CAMK2D: variants seen among roughly 807,000 people sequenced by gnomAD.
The protein encoded by CAMK2D is calcium/calmodulin-dependent protein kinase type II subunit delta.
In CAMK2D, 37 loss-of-function variants were observed where a neutral mutation model predicts 84.0. The ratio of observed to expected loss-of-function variants is 0.44; its 90% CI spans 0.34 to 0.58. The LOEUF (loss-of-function observed/expected upper bound fraction) is 0.58, where lower values mean the gene tolerates loss of function less well. Ranked by LOEUF, CAMK2D falls within the 20% of genes least tolerant of loss-of-function variation. The probability of loss-of-function intolerance (pLI) is 0.02; values close to 1 mark genes in which losing one functional copy is unlikely to be tolerated. For synonymous variants in CAMK2D, 202 were observed against 212.5 expected (o/e 0.95, Z 0.43); for missense variants, 448 against 652.5 (o/e 0.69, Z 3.41).
chr4:113,696,941 A>C (rs1003564080), intron 2 of CAMK2D, among the ~76,000 whole-genome samples: 2 of 152,124 alleles, frequency 1.3e-5, no homozygotes, highest in African/African-American at 4.8e-5. Flanking sequence ...AAGGTAATGC[A>C]TATGAACGTT....
intron 3 of CAMK2D, among the ~76,000 whole-genome samples, chr4:113,626,560 G>A (rs1188902999): frequency 6.6e-6 from 1 of 152,194 alleles, no homozygotes; most frequent in African/African-American, 2.4e-5. Flanking sequence ...ATTTTACCAT[G>A]TGGGACAATA....
intron 2 of CAMK2D, chr4:113,754,270 T>C: frequency 4.1e-6 from 4 of 977,422 alleles, no homozygotes; most frequent in Non-Finnish European, 3.6e-6. Flanking sequence ...TGGGGAAGAC[T>C]GATGTTAAAA....
At chr4:113,629,141 A>C (rs2099079234) in intron 3 of CAMK2D, among the ~76,000 whole-genome samples, 1 of 152,136 alleles carries the variant, frequency 6.6e-6, no homozygotes, top group Non-Finnish European at 1.5e-5. Context: ...CACAAAGAAT[A>C]ATGAGGAAGA....
At chr4:113,532,491 C>CA (rs2098464587) in intron 7 of CAMK2D, among the ~76,000 whole-genome samples, 1 of 152,112 alleles carries the variant, frequency 6.6e-6, no homozygotes, top group African/African-American at 2.4e-5. Context: ...ATGGTGGTTC[C>CA]ACTGCCTAAA....
At chr4:113,548,456 T>C (rs1396550001) in intron 5 of CAMK2D, among the ~76,000 whole-genome samples, 1 of 152,190 alleles carries the variant, frequency 6.6e-6, no homozygotes, top group East Asian at 1.9e-4. Flanking sequence ...TTAGTATTCT[T>C]CCCTTTTTGC....
chr4:113,544,294 T>G (rs753559410), intron 6 of CAMK2D, among the ~76,000 whole-genome samples: 7 of 152,224 alleles, frequency 4.6e-5, no homozygotes, highest in Non-Finnish European at 8.8e-5. Flanking sequence ...TAGGCAGGAC[T>G]ATTTTAACCT....
intron 2 of CAMK2D, among the ~76,000 whole-genome samples, chr4:113,733,206 C>A (rs2099573224): frequency 6.6e-6 from 1 of 152,130 alleles, no homozygotes; most frequent in Non-Finnish European, 1.5e-5. Context: ...AATGAAAGAA[C>A]CATTTAATGC....
chr4:113,480,554 T>G (rs1428552797), intron 16 of CAMK2D, among the ~76,000 whole-genome samples: 2 of 152,024 alleles, frequency 1.3e-5, no homozygotes, highest in African/African-American at 4.8e-5. Flanking sequence ...ATAAAAGGGC[T>G]TGAGGGCCGG....
At chr4:113,537,836 TAAC>T (rs1213982506) in intron 6 of CAMK2D, among the ~76,000 whole-genome samples, 2 of 152,188 alleles carry the variant, frequency 1.3e-5, no homozygotes, top group Admixed American at 6.5e-5. Flanking sequence ...GGCAAAATAA[TAAC>T]AAGAGTTGGA....
intron 3 of CAMK2D, among the ~76,000 whole-genome samples, chr4:113,612,391 T>C (rs112432158): frequency 1.3e-5 from 2 of 152,218 alleles, no homozygotes; most frequent in African/African-American, 4.8e-5. Context: ...AATTATTCCC[T>C]ATAAATAACT....
intron 2 of CAMK2D, among the ~76,000 whole-genome samples, chr4:113,740,886 A>C (rs2099591430): frequency 6.6e-6 from 1 of 152,190 alleles, no homozygotes; most frequent in Non-Finnish European, 1.5e-5. Context: ...CCTGCAGTCA[A>C]CCACCATCCA....
At position 113,457,514 on chromosome 4, in the gene CAMK2D, A is replaced by C. The variant is rs774320839; in HGVS notation, c.1356T>G (p.His452Gln). The C allele has an allele frequency of 1.2e-6, 2 of 1,613,568 alleles. No homozygotes were observed. Among genetic ancestry groups the C allele is most frequent in the African/African-American group, 2.7e-5 (2 of 75,018 alleles). ...CGGCATCATCCCCTACCAGATGTAC[A>C]TGAGGGTTTAGAATAATAGTGTGGA... ...KPIHTIILNPHVHLVGDDAAC... is the reference protein window; with the variant it reads ...KPIHTIILNPQVHLVGDDAAC... The change falls in exon 19 of 21, where the codon CAT becomes CAG. Residue 452 changes from histidine to glutamine, a missense_variant. Transcript: ENST00000511664.
At chr4:113,653,165 T>C (rs1401567746) in intron 3 of CAMK2D, among the ~76,000 whole-genome samples, 1 of 152,064 alleles carries the variant, frequency 6.6e-6, no homozygotes, top group East Asian at 1.9e-4. Context: ...GGCACCATAT[T>C]GTATAAACAA....
At chr4:113,663,151 T>C (rs2099242057) in intron 2 of CAMK2D, among the ~76,000 whole-genome samples, 1 of 152,184 alleles carries the variant, frequency 6.6e-6, no homozygotes, top group Non-Finnish European at 1.5e-5. Context: ...AAACTCCCTA[T>C]CTTTTTAACA....
At chr4:113,689,949 A>G (rs753183602) in intron 2 of CAMK2D, among the ~76,000 whole-genome samples, 3 of 152,156 alleles carry the variant, frequency 2.0e-5, no homozygotes, top group Non-Finnish European at 4.4e-5. Flanking sequence ...CATAATGAAC[A>G]CTCAATAAAT....
At chr4:113,460,844 C>T (rs1241032338) in intron 17 of CAMK2D, among the ~76,000 whole-genome samples, 1 of 151,966 alleles carries the variant, frequency 6.6e-6, no homozygotes, top group African/African-American at 2.4e-5. Context: ...CAGTACCATG[C>T]TGGGTTAATT....
intron 2 of CAMK2D, among the ~76,000 whole-genome samples, chr4:113,709,734 A>G (rs1230613910): frequency 2.7e-5 from 2 of 74,162 alleles, no homozygotes; most frequent in Admixed American, 1.8e-4. Flanking sequence ...TGAAAAGCTA[A>G]AAGCCGTGAA....
rs1414314447 is a variant in CAMK2D at position 113,490,979 on chromosome 4, T to G, written c.1135+9484A>C. Among the ~76,000 whole-genome samples, 2 of 80,902 alleles carry G rather than the reference T, an allele frequency of 2.5e-5. 1 individual carries two copies. Among genetic ancestry groups the G allele is most frequent in the Non-Finnish European group, 4.9e-5 (2 of 40,722 alleles). 53.1% of individuals were successfully genotyped at this position (80,902 alleles called of 152,430 possible). ...GGTGTATAAGAATGCTTGTGATTTTTGTACATTGATTTTGTATCCTGAGAC... is the reference window on the plus strand; with the variant it reads ...GGTGTATAAGAATGCTTGTGATTTTGGTACATTGATTTTGTATCCTGAGAC... On this transcript the variant is annotated intron_variant, in intron 16 of 20. Transcript: ENST00000511664.
At chr4:113,688,971 G>A (rs2099371511) in intron 2 of CAMK2D, among the ~76,000 whole-genome samples, 2 of 149,956 alleles carry the variant, frequency 1.3e-5, no homozygotes, top group African/African-American at 2.5e-5. Context: ...ATGGCCGGGT[G>A]CAGTGGCTCA....
Sources: allele counts gnomAD v4.1 joint callset (sites outside exome capture counted in the v4.1 genomes callset), GRCh38; gene constraint gnomAD v4.1.1; transcripts MANE v1.5; gene names NCBI Gene and HGNC (gene_info 2026-07-23, HGNC 2026-07-21).